The following PDE8B variants were observed in gnomAD, a reference collection of about 807,000 sequenced individuals.
The protein encoded by PDE8B is high affinity cAMP-specific and IBMX-insensitive 3',5'-cyclic phosphodiesterase 8B.
Under a neutral mutation model 101.3 loss-of-function variants are expected in PDE8B, and 26 were observed. The ratio of observed to expected loss-of-function variants is 0.26; its 90% CI spans 0.19 to 0.36. The LOEUF (loss-of-function observed/expected upper bound fraction) is 0.36, where lower values mean the gene tolerates loss of function less well. Among genes scored for constraint, PDE8B ranks in the 10% least tolerant of loss-of-function variants. PDE8B has a pLI of 1.00. For synonymous variants in PDE8B, 424 were observed against 429.3 expected (o/e 0.99, Z 0.15); for missense variants, 810 against 1,163.1 (o/e 0.70, Z 4.42).
chr5:77,129,890 A>T, the PDE8B span, among the ~76,000 whole-genome samples: 1 of 152,160 alleles, frequency 6.6e-6, no homozygotes, highest in Non-Finnish European at 1.5e-5. Context: ...GGTTCTGGGA[A>T]GCCAGAAAAA....
the PDE8B span, among the ~76,000 whole-genome samples, chr5:77,124,678 G>T: frequency 6.6e-6 from 1 of 151,928 alleles, no homozygotes; most frequent in Admixed American, 6.6e-5. Flanking sequence ...ATTTATAAAG[G>T]ACTAAACTCA....
At chr5:77,182,774 T>G in the PDE8B span, among the ~76,000 whole-genome samples, 1 of 152,092 alleles carries the variant, frequency 6.6e-6, no homozygotes, top group Non-Finnish European at 1.5e-5. Flanking sequence ...TTTTTTTACT[T>G]TATATACACA....
the PDE8B span, among the ~76,000 whole-genome samples, chr5:77,139,054 C>T: frequency 6.6e-6 from 1 of 152,198 alleles, no homozygotes; most frequent in Non-Finnish European, 1.5e-5. Context: ...GGAATCAAGT[C>T]GTTCCCAGTT....
chr5:77,400,490 G>T (rs995467947), intron 11 of PDE8B, among the ~76,000 whole-genome samples, 200 bp downstream of exon 11: 1 of 152,156 alleles, frequency 6.6e-6, no homozygotes, highest in Non-Finnish European at 1.5e-5. Flanking sequence ...TTCCTTTATG[G>T]CAACCTTATC....
At chr5:77,199,532 T>G in the PDE8B span, among the ~76,000 whole-genome samples, 1 of 152,142 alleles carries the variant, frequency 6.6e-6, no homozygotes, top group Non-Finnish European at 1.5e-5. Flanking sequence ...AAAGATCAGA[T>G]CCCCCGTTAT....
the PDE8B span, among the ~76,000 whole-genome samples, chr5:77,180,259 G>A: frequency 1.3e-5 from 2 of 152,214 alleles, no homozygotes; most frequent in Non-Finnish European, 2.9e-5. Flanking sequence ...GCCGGCCCGG[G>A]GACGCGTCTG....
intron 1 of PDE8B, among the ~76,000 whole-genome samples, chr5:77,220,947 T>C (rs1750967632): frequency 6.6e-6 from 1 of 152,192 alleles, no homozygotes; most frequent in African/African-American, 2.4e-5. Flanking sequence ...AGCTAGGGAC[T>C]CAGAGCTACA....
chr5:77,181,061 C>T, the PDE8B span, among the ~76,000 whole-genome samples: 2 of 149,952 alleles, frequency 1.3e-5, no homozygotes, highest in Non-Finnish European at 3.0e-5. Context: ...GGGCACCCAC[C>T]CCTACCCCTA....
chr5:77,379,314 A>G (rs1291458089), intron 10 of PDE8B, among the ~76,000 whole-genome samples: 1 of 152,138 alleles, frequency 6.6e-6, no homozygotes, highest in Non-Finnish European at 1.5e-5. Context: ...ATCTGGGGGA[A>G]AAAAACAGCT....
chr5:77,125,709 G>GA, the PDE8B span, among the ~76,000 whole-genome samples: 2 of 152,058 alleles, frequency 1.3e-5, no homozygotes, highest in African/African-American at 2.4e-5. Context: ...ACCACAAAAG[G>GA]AAAAATATTG....
chr5:77,425,080 C>CTAAG lies in PDE8B; in HGVS notation c.2419-686_2419-683dup, dbSNP rs367903939. Among the ~76,000 whole-genome samples the CTAAG allele has an allele frequency of 3.2e-3, 494 of 152,258 alleles. 1 individual carries two copies. The highest frequency in any genetic ancestry group is 0.011 in the African/African-American group (443 of 41,554). The stretch of plus-strand genomic sequence containing the variant: ...TTTGGTGCTAGTTCATTGAGTCATG[C>CTAAG]TAAGGTGTTAGCAGTTTTACCCACT... On this transcript the variant is annotated intron_variant, in intron 20 of 21. Coordinates refer to ENST00000264917, the MANE Select transcript of PDE8B (RefSeq NM_003719.5).
the PDE8B span, among the ~76,000 whole-genome samples, chr5:77,201,483 C>G: frequency 6.6e-6 from 1 of 152,196 alleles, no homozygotes; most frequent in Non-Finnish European, 1.5e-5. Flanking sequence ...AGTTCAGTGT[C>G]AGCACTGGCT....
upstream of PDE8B, among the ~76,000 whole-genome samples, chr5:77,208,679 A>T (rs1214351185): frequency 1.3e-5 from 2 of 152,182 alleles, no homozygotes; most frequent in African/African-American, 4.8e-5. Context: ...GGAGGCTATG[A>T]TGCCAGGAAA....
chr5:77,105,479 G>A, the PDE8B span: 2 of 152,170 alleles, frequency 1.3e-5, no homozygotes, highest in Admixed American at 6.5e-5. Context: ...AAGCTATGAT[G>A]TCTGGTAGGT....
chr5:77,188,740 A>G, the PDE8B span, among the ~76,000 whole-genome samples: 1 of 152,270 alleles, frequency 6.6e-6, no homozygotes, highest in Non-Finnish European at 1.5e-5. Context: ...CAACACACAG[A>G]GGACAATGTA....
chr5:77,110,043 T>C, the PDE8B span, among the ~76,000 whole-genome samples: 2 of 144,872 alleles, frequency 1.4e-5, no homozygotes, highest in African/African-American at 2.5e-5. Context: ...GTTCAAGTGA[T>C]CCTCCTGCCT....
In PDE8B at chr5:77,337,285, A is replaced by G; in HGVS notation, c.767A>G (p.His256Arg). The change falls in exon 6 of 22, where the codon CAT (histidine) becomes CGT (arginine). Residue 256 changes from histidine (H) to arginine (R), a missense_variant. Physicochemically the swap from His to Arg is conservative, Grantham distance 29 (BLOSUM62 0). Transcript: ENST00000264917. ...TATAATGAACTGATTCAAATAGAAC[A>G]TGGGGAAGTTCGCTCCCAGTTCAAA... ...ACYNELIQIE[H>R]GEVRSQFKLR... The G allele has an allele frequency of 6.3e-7, 1 of 1,594,374 alleles. No homozygotes were observed. The highest frequency in any genetic ancestry group is 8.6e-7 in the Non-Finnish European group (1 of 1,163,770).
chr5:77,244,073 A>G (rs1561404117), intron 1 of PDE8B, among the ~76,000 whole-genome samples: 1 of 152,106 alleles, frequency 6.6e-6, no homozygotes, highest in Non-Finnish European at 1.5e-5. Flanking sequence ...CCACCACTGC[A>G]ACAAGAAGGG....
intron 7 of PDE8B, among the ~76,000 whole-genome samples, chr5:77,346,249 G>A (rs1253584587): frequency 6.6e-6 from 1 of 152,128 alleles, no homozygotes; most frequent in Non-Finnish European, 1.5e-5. Context: ...TGGCCCACCT[G>A]CCCACAGGTC....
Sources: gnomAD v4.1 joint callset for allele counts (sites outside exome capture counted in the v4.1 genomes callset) on GRCh38, gnomAD v4.1.1 for gene constraint, MANE v1.5 for transcripts, NCBI Gene and HGNC (gene_info 2026-07-23, HGNC 2026-07-21) for gene names.